Variants in SUMF1 observed in about 807,000 individuals in gnomAD.
SUMF1 encodes formylglycine-generating enzyme.
Under a neutral mutation model 47.6 loss-of-function variants are expected in SUMF1, and 48 were observed. The observed-to-expected ratio is 1.01, with a 90% CI of 0.80 to 1.28. The LOEUF is 1.28. Among genes scored for constraint, SUMF1 ranks in the 50% most tolerant of loss-of-function variants. The pLI, the probability that SUMF1 is intolerant of heterozygous loss-of-function variation, is 0.00. For synonymous variants in SUMF1, 230 were observed against 192.1 expected, an observed-to-expected ratio of 1.20 and a Z score of -1.63; for missense variants, 571 against 485.4, an observed-to-expected ratio of 1.18 and a Z score of -1.66.
At chr3:4,065,909 T>C (rs1020762836) in intron 9 of SUMF1, among the ~76,000 whole-genome samples, 2 of 152,134 alleles carry the variant, frequency 1.3e-5, no homozygotes, top group Non-Finnish European at 2.9e-5. Context: ...ACCCTTGTGA[T>C]ATGACAGGGG....
chr3:4,227,449 G>A (rs1696198646), intron 8 of SUMF1, among the ~76,000 whole-genome samples: 1 of 152,132 alleles, frequency 6.6e-6, no homozygotes, highest in Admixed American at 6.5e-5. Context: ...GGAAACTGTA[G>A]TGGAGATCCA....
At chr3:4,247,504 C>G (rs139819176) in intron 8 of SUMF1, among the ~76,000 whole-genome samples, 31 of 152,160 alleles carry the variant, frequency 2.0e-4, no homozygotes, top group Admixed American at 6.5e-4. Flanking sequence ...TTCAGGAAAT[C>G]TGATTATAAC....
At chr3:4,415,183 C>T (rs888057699) in intron 6 of SUMF1, among the ~76,000 whole-genome samples, 57 of 146,480 alleles carry the variant, frequency 3.9e-4, no homozygotes, top group African/African-American at 1.2e-3. Flanking sequence ...GCCACGATCA[C>T]GCCACTGCAC....
intron 8 of SUMF1, among the ~76,000 whole-genome samples, chr3:4,369,685 A>G (rs553332870): frequency 3.6e-4 from 55 of 152,196 alleles, no homozygotes; most frequent in Non-Finnish European, 1.6e-4. Context: ...AGAATGGCCA[A>G]TACAGGTTGC....
At chr3:4,291,448 TCC>T (rs1697741384) in intron 8 of SUMF1, among the ~76,000 whole-genome samples, 1 of 152,170 alleles carries the variant, frequency 6.6e-6, no homozygotes, top group Admixed American at 6.5e-5. Context: ...CCTTCCTCTC[TCC>T]TTCTTTTTAC....
chr3:4,101,629 A>C (rs1693035070), intron 8 of SUMF1, among the ~76,000 whole-genome samples: 1 of 152,080 alleles, frequency 6.6e-6, no homozygotes, highest in Non-Finnish European at 1.5e-5. Flanking sequence ...AAAGTAGCTA[A>C]AAGAGAGTAT....
intron 1 of SUMF1, among the ~76,000 whole-genome samples, chr3:4,456,762 G>A (rs1458598427): frequency 8.6e-5 from 8 of 93,020 alleles, no homozygotes; most frequent in African/African-American, 2.5e-4. Flanking sequence ...ACGTGTGTGT[G>A]TATATATACA....
intron 8 of SUMF1, among the ~76,000 whole-genome samples, chr3:4,094,250 A>C (rs1337466741): frequency 6.6e-6 from 1 of 152,024 alleles, no homozygotes; most frequent in Non-Finnish European, 1.5e-5. Context: ...TAATCTATTC[A>C]TTCACTCACT....
intron 9 of SUMF1, among the ~76,000 whole-genome samples, chr3:4,066,790 G>A (rs967648191): frequency 3.3e-5 from 5 of 152,098 alleles, no homozygotes; most frequent in African/African-American, 9.7e-5. Context: ...GGCTTTCTGA[G>A]CAGTCAATGA....
At chr3:4,454,428 A>G (rs1434963166) in intron 1 of SUMF1, among the ~76,000 whole-genome samples, 1 of 152,210 alleles carries the variant, frequency 6.6e-6, no homozygotes, top group Non-Finnish European at 1.5e-5. Flanking sequence ...AAAAGACACA[A>G]CAACAAGTGC....
chr3:4,398,339 T>G (rs1208271192), intron 7 of SUMF1, among the ~76,000 whole-genome samples: 1 of 152,004 alleles, frequency 6.6e-6, no homozygotes, highest in East Asian at 1.9e-4. Context: ...TACCCTTACA[T>G]AAAACTTCTA....
At chr3:4,279,064 T>G (rs760481206) in intron 8 of SUMF1, among the ~76,000 whole-genome samples, 1 of 152,106 alleles carries the variant, frequency 6.6e-6, no homozygotes, top group Non-Finnish European at 1.5e-5. Flanking sequence ...ATTGGAAAAT[T>G]TTTTTTAAAC....
At chr3:4,065,480 G>A (rs759539121) in intron 9 of SUMF1, among the ~76,000 whole-genome samples, 32 of 152,154 alleles carry the variant, frequency 2.1e-4, no homozygotes, top group East Asian at 9.7e-4. Context: ...AAACAGAACC[G>A]TATTTTTAAA....
intron 6 of SUMF1, 138 bp from the exon 7 acceptor site, chr3:4,411,116 A>AC: frequency 1.2e-6 from 1 of 813,590 alleles, no homozygotes; most frequent in South Asian, 1.4e-5. Context: ...GTACAATTTG[A>AC]CCAACATAAA....
intron 9 of SUMF1, among the ~76,000 whole-genome samples, chr3:4,036,050 A>C (rs1453716222): frequency 6.6e-6 from 1 of 152,182 alleles, no homozygotes; most frequent in African/African-American, 2.4e-5. Flanking sequence ...TGTAATATTT[A>C]CTACATCAGG....
intron 8 of SUMF1, among the ~76,000 whole-genome samples, chr3:4,131,772 G>A (rs1438704872): frequency 1.3e-5 from 2 of 152,108 alleles, no homozygotes; most frequent in Non-Finnish European, 2.9e-5. Context: ...TCATCAATGG[G>A]TGACCTCAGC....
intron 8 of SUMF1, among the ~76,000 whole-genome samples, chr3:4,253,352 G>C (rs943687241): frequency 2.5e-4 from 38 of 152,290 alleles, no homozygotes; most frequent in Admixed American, 9.8e-4. Flanking sequence ...CTGAGGTACC[G>C]GGTTCATCTC....
chr3:4,061,591 C>T (rs1181332392), intron 9 of SUMF1, among the ~76,000 whole-genome samples: 1 of 152,130 alleles, frequency 6.6e-6, no homozygotes, highest in Non-Finnish European at 1.5e-5. Context: ...TGGCAGTACT[C>T]ATTGTCTCAG....
At chr3:4,335,117 C>T (rs996689915) in intron 8 of SUMF1, among the ~76,000 whole-genome samples, 1 of 152,050 alleles carries the variant, frequency 6.6e-6, no homozygotes, top group Admixed American at 6.6e-5. Flanking sequence ...AGAAGTTGGT[C>T]AAATCTAACA....
Sources: gnomAD v4.1 joint callset for allele counts (sites outside exome capture counted in the v4.1 genomes callset) on GRCh38, gnomAD v4.1.1 for gene constraint, MANE v1.5 for transcripts, NCBI Gene and HGNC (gene_info 2026-07-23, HGNC 2026-07-21) for gene names.